PDE4A: variants seen among roughly 807,000 people sequenced by gnomAD.
The protein encoded by PDE4A is 3',5'-cyclic-AMP phosphodiesterase 4A.
In PDE4A, 21 loss-of-function variants were observed where a neutral mutation model predicts 73.9. That is an observed-to-expected ratio of 0.28 (90% CI 0.20 to 0.41). The LOEUF (loss-of-function observed/expected upper bound fraction) is 0.41. PDE4A is among the 10% of genes least tolerant of loss of function. The pLI, the probability that PDE4A is intolerant of heterozygous loss-of-function variation, is 1.00. For synonymous variants in PDE4A, 463 were observed against 505.4 expected (o/e 0.92, Z 1.13); for missense variants, 958 against 1,211.4 (o/e 0.79, Z 3.10).
intron 1 of PDE4A, among the ~76,000 whole-genome samples, chr19:10,440,630 G>T (rs925133969): frequency 6.6e-6 from 1 of 151,926 alleles, no homozygotes; most frequent in Non-Finnish European, 1.5e-5. Context: ...ACAGAGTCTC[G>T]CTCTGTCATC....
rs2043429071 is a variant in PDE4A, at chr19:10,468,865, C to T, written c.*1244C>T. The T allele has an allele frequency of 1.3e-5, 2 of 152,890 alleles. No homozygotes were observed. Among genetic ancestry groups the T allele is most frequent in the African/African-American group, 4.8e-5 (2 of 41,418 alleles). The allele number at this position is 152,890 out of a possible 1,614,324, so 9.5% of individuals were successfully genotyped here. A position where few individuals can be genotyped will look rare whatever the true frequency, so the allele number is the denominator to read the frequency against. On this transcript the variant is annotated 3_prime_UTR_variant, in exon 15 of 15. Transcript: ENST00000380702. Reference sequence around the variant, plus strand: ...AGACAGATGCAAGACCATTTTTCTCCAAGCCATGGGGGACTGTTTGGAAGG... The same window carrying T: ...AGACAGATGCAAGACCATTTTTCTCTAAGCCATGGGGGACTGTTTGGAAGG...
chr19:10,423,070 A>C, intron 1 of PDE4A: 2 of 983,550 alleles, frequency 2.0e-6, no homozygotes, highest in Non-Finnish European at 2.4e-6. Context: ...TTCCATATGC[A>C]TCCTCATCCC....
In PDE4A at chr19:10,420,991, G is replaced by C. The variant is rs909036275; in HGVS notation, c.227G>C (p.Arg76Pro). The C allele has an allele frequency of 1.3e-6, 2 of 1,529,550 alleles. No homozygotes were observed. The highest frequency in any genetic ancestry group is 1.7e-6 in the Non-Finnish European group (2 of 1,147,178). The allele number at this position is 1,529,550 out of a possible 1,614,324, so 94.7% of individuals were successfully genotyped here. Reference protein sequence around the residue: ...ERADAMDTSDRPGLRTTRMSW... With the variant: ...ERADAMDTSDPPGLRTTRMSW... ...GCCGATGCCATGGACACCAGCGACC[G>C]GCCCGGCCTGCGCACGACCCGCATG... The change falls in exon 1 of 15, where the codon CGG (arginine) becomes CCG (proline). Residue 76 changes from arginine to proline, a missense_variant. By Grantham distance (103) the Arg-to-Pro change is moderately radical. This residue lies in a region of PDE4A where 145 missense variants were observed against 137.8 expected (regional missense o/e 1.05). Coordinates refer to ENST00000380702, the MANE Select transcript of PDE4A (RefSeq NM_001111307.2). This position sits in a 1 kb window ranked among gnomAD's most constrained non-coding sequence, Gnocchi z 6.0.
chr19:10,436,146 A>G (rs757046938), intron 1 of PDE4A, among the ~76,000 whole-genome samples: 1 of 152,042 alleles, frequency 6.6e-6, no homozygotes, highest in African/African-American at 2.4e-5. Flanking sequence ...GTGTGTAGCT[A>G]TGTTCCTCTC....
chr19:10,467,553 A>T lies in PDE4A; in HGVS notation c.2593A>T (p.Thr865Ser), dbSNP rs1026555833. ...GAGGGCTTGCAGTGCCTGCGCAGGG[A>T]CATTTGGGGAGGACACATCCGCACT... ...AKRACSACAGTFGEDTSALPA... is the reference protein window; with the variant it reads ...AKRACSACAGSFGEDTSALPA... Residue 865 changes from threonine to serine, a missense_variant, in exon 15 of 15, where the codon ACA (threonine) becomes TCA (serine). Physicochemically the swap from Thr to Ser is moderately conservative, Grantham distance 58. This residue lies in a region of PDE4A where 243 missense variants were observed against 245.9 expected (regional missense o/e 0.99). Transcript: ENST00000380702. 5 of 1,609,972 alleles carry T rather than the reference A, an allele frequency of 3.1e-6. No individual in the cohort carries two copies. Among genetic ancestry groups the T allele is most frequent in the Admixed American group, 1.7e-5 (1 of 59,802 alleles).
chr19:10,432,630 T>G, intron 1 of PDE4A: 1 of 1,433,064 alleles, frequency 7.0e-7, no homozygotes, highest in Non-Finnish European at 9.3e-7. Context: ...CTGGCTGTGC[T>G]GGGGGGGTGG....
chr19:10,461,874 C>A lies in PDE4A; in HGVS notation c.1621-3C>A. 6.2e-7 allele frequency: 1 copy of A among 1,612,358 alleles called. No homozygotes were observed. Among genetic ancestry groups the A allele is most frequent in the Non-Finnish European group, 8.5e-7 (1 of 1,179,188 alleles). ...GGCCCCAGTGACGCCCCCTTGCCCG[C>A]AGGTGCTGGCCACGGACATGTCCAA... On this transcript the variant is annotated splice_polypyrimidine_tract_variant and splice_region_variant and intron_variant, in intron 12 of 14. Coordinates refer to ENST00000380702, the MANE Select transcript of PDE4A (RefSeq NM_001111307.2).
intron 1 of PDE4A, chr19:10,430,849 C>A (rs772560071): frequency 1.7e-6 from 2 of 1,200,894 alleles, no homozygotes; most frequent in Non-Finnish European, 2.1e-6. Flanking sequence ...GCGGCCATGG[C>A]GCGGCCGCGC....
At chr19:10,443,536 C>A (rs1264066062) in intron 1 of PDE4A, among the ~76,000 whole-genome samples, 2 of 126,586 alleles carry the variant, frequency 1.6e-5, no homozygotes, top group African/African-American at 5.9e-5. Context: ...GAGAGTGAGA[C>A]CCTGTCTCAA....
At chr19:10,460,162 C>G (rs192657357) in intron 10 of PDE4A, among the ~76,000 whole-genome samples, 1 of 151,060 alleles carries the variant, frequency 6.6e-6, no homozygotes, top group African/African-American at 2.4e-5. Context: ...GGAGTAGAGG[C>G]GTGAGCCACT....
intron 1 of PDE4A, among the ~76,000 whole-genome samples, chr19:10,443,581 GCGTACAC>G (rs1426848096): frequency 2.6e-5 from 4 of 151,842 alleles, no homozygotes; most frequent in African/African-American, 4.8e-5. Context: ...GAGCTTGCTG[GCGTACAC>G]CTGTAGTCCC....
At chr19:10,426,745 A>G (rs982432395) in intron 1 of PDE4A, among the ~76,000 whole-genome samples, 1 of 151,756 alleles carries the variant, frequency 6.6e-6, no homozygotes, top group African/African-American at 2.4e-5. Flanking sequence ...CACGCCTGCA[A>G]TCCCAGCTAC....
chr19:10,434,756 T>A (rs2145483618), intron 1 of PDE4A, among the ~76,000 whole-genome samples: 1 of 152,032 alleles, frequency 6.6e-6, no homozygotes, highest in African/African-American at 2.4e-5. Context: ...CACGCCTGGC[T>A]AATTTTTATA....
At chr19:10,421,164 G>A in intron 1 of PDE4A, 80 bp downstream of exon 1, 1 of 1,339,198 alleles carries the variant, frequency 7.5e-7, no homozygotes, top group Non-Finnish European at 9.5e-7. Context: ...GCCGCAGGGG[G>A]CGCTAGGATG....
At position 10,454,960 on chromosome 19, in the gene PDE4A, AT is replaced by A. The variant is rs780025822; in HGVS notation, c.877+41del. Reference sequence around the variant, plus strand: ...AAGCACGTGGGATTGGAGGGGGGACATTTGGGGTAGAGAGGGGGCTGCCCCT... The same window carrying A: ...AAGCACGTGGGATTGGAGGGGGGACATTGGGGTAGAGAGGGGGCTGCCCCT... On this transcript the variant is annotated intron_variant, in intron 7 of 14. Transcript: ENST00000380702. The A allele has an allele frequency of 1.6e-5, 25 of 1,605,482 alleles. No homozygotes were observed. The East Asian group carries it at 5.1e-4, about 33-fold the overall frequency.
At chr19:10,448,827 T>A in intron 2 of PDE4A, 90 bp from the exon 3 acceptor site, 1 of 1,591,158 alleles carries the variant, frequency 6.3e-7, no homozygotes. Context: ...TCCCTCCCTC[T>A]CAGCCTCCCT....
At chr19:10,422,756 G>A (rs1475373642) in intron 1 of PDE4A, among the ~76,000 whole-genome samples, 2 of 152,124 alleles carry the variant, frequency 1.3e-5, no homozygotes, top group Admixed American at 6.5e-5. Context: ...AGCATACATG[G>A]GCTGACATTT....
At chr19:10,440,683 C>T (rs1568371398) in intron 1 of PDE4A, among the ~76,000 whole-genome samples, 1 of 152,144 alleles carries the variant, frequency 6.6e-6, no homozygotes, top group Non-Finnish European at 1.5e-5. Context: ...ACTGCAACCT[C>T]CACCTTCCGG....
At chr19:10,439,096 C>T (rs1286190765) in intron 1 of PDE4A, among the ~76,000 whole-genome samples, 1 of 152,094 alleles carries the variant, frequency 6.6e-6, no homozygotes, top group Non-Finnish European at 1.5e-5. Flanking sequence ...TCCCCACTTT[C>T]AATTCTTTTG....
Sources: allele counts gnomAD v4.1 joint callset (sites outside exome capture counted in the v4.1 genomes callset), GRCh38; gene constraint gnomAD v4.1.1; regional missense constraint gnomAD v4.1.1; non-coding constraint Gnocchi (gnomAD v3.1); transcripts MANE v1.5; gene names NCBI Gene and HGNC (gene_info 2026-07-23, HGNC 2026-07-21).